Variants in SYPL2 observed in about 807,000 individuals in gnomAD.
SYPL2 encodes the protein synaptophysin like 2.
In SYPL2, 24 loss-of-function variants were observed where a neutral mutation model predicts 31.3. The ratio of observed to expected loss-of-function variants is 0.77; its 90% CI spans 0.56 to 1.08. The LOEUF (loss-of-function observed/expected upper bound fraction) is 1.08. SYPL2 is among the 50% of genes least tolerant of loss of function. SYPL2 has a pLI of 0.00. For synonymous variants in SYPL2, 144 were observed against 143.1 expected, an observed-to-expected ratio of 1.01 and a Z score of -0.05; for missense variants, 342 against 360.1, an observed-to-expected ratio of 0.95 and a Z score of 0.41.
At chr1:109,479,045 C>G (rs572818014) in intron 5 of SYPL2, among the ~76,000 whole-genome samples, 1 of 152,242 alleles carries the variant, frequency 6.6e-6, no homozygotes, top group Non-Finnish European at 1.5e-5. Flanking sequence ...CAGGGCCTCA[C>G]GCGTGCTGTG....
intron 2 of SYPL2, among the ~76,000 whole-genome samples, chr1:109,469,083 G>C (rs1279542742): frequency 6.6e-6 from 1 of 152,236 alleles, no homozygotes; most frequent in African/African-American, 2.4e-5. Context: ...CAGGGCGCCA[G>C]TTTCACTTGC....
At position 109,477,909 on chromosome 1, in the gene SYPL2, G is replaced by C. The variant is rs1200509946; in HGVS notation, c.548G>C (p.Arg183Pro). Residue 183 changes from arginine to proline, a missense_variant, in exon 5 of 6, where the codon CGA (arginine) becomes CCA (proline). Coordinates refer to ENST00000369872, the MANE Select transcript of SYPL2 (RefSeq NM_001040709.2). ...CTGACCGATGTCAAGGGGGCCACAC[G>C]ACCATCCAGCTTGACAGCAGCCATG... ...KGLTDVKGAT[R>P]PSSLTAAMSV... The C allele has an allele frequency of 6.2e-7, 1 of 1,614,048 alleles. No homozygotes were observed. The highest frequency in any genetic ancestry group is 8.5e-7 in the Non-Finnish European group (1 of 1,179,992).
intron 4 of SYPL2, 135 bp downstream of exon 4, chr1:109,477,112 C>T (rs974830778): frequency 1.3e-5 from 14 of 1,037,324 alleles, no homozygotes; most frequent in African/African-American, 3.2e-5. Flanking sequence ...ATCAACCTCC[C>T]GTTGCTTGCT....
At position 109,478,069 on chromosome 1, in the gene SYPL2, C is replaced by G; in HGVS notation, c.648+60C>G. The G allele has an allele frequency of 6.3e-7, 1 of 1,587,544 alleles. No homozygotes were observed. Among genetic ancestry groups the G allele is most frequent in the Non-Finnish European group, 8.6e-7 (1 of 1,167,642 alleles). ...GCCCTGCTGCCCAGGCCTGTCCCAG[C>G]TAGCAGGTCCTGAAAGGAAAGAGAG... is the stretch of plus-strand genomic sequence containing the variant. On this transcript the variant is annotated intron_variant, in intron 5 of 5. Transcript: ENST00000369872. This position sits in a 1 kb window ranked among gnomAD's most constrained non-coding sequence, Gnocchi z 4.0.
chr1:109,475,997 T>C (rs986891282), intron 3 of SYPL2, among the ~76,000 whole-genome samples: 1 of 152,204 alleles, frequency 6.6e-6, no homozygotes, highest in Non-Finnish European at 1.5e-5. Context: ...CAGTTTGGGA[T>C]GGAGGCTTAC....
chr1:109,472,167 C>G (rs1365945380), intron 2 of SYPL2, among the ~76,000 whole-genome samples: 1 of 152,078 alleles, frequency 6.6e-6, no homozygotes, highest in South Asian at 2.1e-4. Context: ...CTCTGTCACC[C>G]AGGCTGGTGT....
At chr1:109,467,889 T>G (rs1655705693) in intron 2 of SYPL2, among the ~76,000 whole-genome samples, 1 of 152,206 alleles carries the variant, frequency 6.6e-6, no homozygotes, top group South Asian at 2.1e-4. Context: ...TCTCTGGACT[T>G]CAATTTCCAA....
rs779317647 is a variant in SYPL2, at chr1:109,466,784, C to A, written c.-60C>A. 91 of 1,465,540 alleles carry A rather than the reference C, an allele frequency of 6.2e-5. 1 individual carries two copies. Among genetic ancestry groups the A allele is most frequent in the Middle Eastern group, 4.6e-4 (2 of 4,322 alleles). The allele number at this position is 1,465,540 out of a possible 1,614,324, so 90.8% of individuals were successfully genotyped here. A position where few individuals can be genotyped will look rare whatever the true frequency, so the allele number is the denominator to read the frequency against. On this transcript the variant is annotated 5_prime_UTR_variant, in exon 1 of 6. Coordinates refer to ENST00000369872, the MANE Select transcript of SYPL2 (RefSeq NM_001040709.2). The stretch of plus-strand genomic sequence containing the variant: ...CAGCTCCCCGCTCCCCCGCCGTGTC[C>A]GCCGCCTCCCGGCCAGAGAGCCAAG...
chr1:109,470,298 C>CA (rs2101000121), intron 2 of SYPL2, among the ~76,000 whole-genome samples: 1 of 152,216 alleles, frequency 6.6e-6, no homozygotes, highest in Non-Finnish European at 1.5e-5. Context: ...CTAAACAAAA[C>CA]AAAAAACAAT....
chr1:109,466,856 G>A lies in SYPL2; in HGVS notation c.13G>A (p.Glu5Lys), dbSNP rs1385739387. The change falls in exon 1 of 6, where the codon GAG becomes AAG. Residue 5 changes from glutamate to lysine, a missense_variant. Coordinates refer to ENST00000369872, the MANE Select transcript of SYPL2 (RefSeq NM_001040709.2). Reference sequence around the variant, plus strand: ...TCGCCGCGCCAGCATGTCCTCGACCGAGAGCGCCGGCCGCACGGCGGACAA... The same window carrying A: ...TCGCCGCGCCAGCATGTCCTCGACCAAGAGCGCCGGCCGCACGGCGGACAA... MSST[E>K]SAGRTADKSP... The A allele has an allele frequency of 1.3e-6, 2 of 1,528,412 alleles. No homozygotes were observed. The highest frequency in any genetic ancestry group is 1.7e-6 in the Non-Finnish European group (2 of 1,143,602). 94.7% of individuals were successfully genotyped at this position (1,528,412 alleles called of 1,614,324 possible).
At chr1:109,476,720 G>T in intron 3 of SYPL2, 56 bp from the exon 4 acceptor site, 1 of 1,563,640 alleles carries the variant, frequency 6.4e-7, no homozygotes, top group Non-Finnish European at 8.7e-7. Flanking sequence ...ACTACTTCTG[G>T]GCCAGGGAGA....
intron 2 of SYPL2, among the ~76,000 whole-genome samples, chr1:109,474,000 A>G (rs1483510441): frequency 4.6e-5 from 7 of 152,022 alleles, no homozygotes; most frequent in Admixed American, 4.6e-4. Context: ...AGGTTTCCAT[A>G]CTCCTAGTTC....
At chr1:109,471,579 G>C (rs1357402692) in intron 2 of SYPL2, among the ~76,000 whole-genome samples, 4 of 82,176 alleles carry the variant, frequency 4.9e-5, no homozygotes, top group African/African-American at 1.4e-4. Flanking sequence ...TGACTGAACT[G>C]AATTTTTTTT....
chr1:109,467,211 G>T, intron 2 of SYPL2, 78 bp downstream of exon 2: 2 of 1,349,066 alleles, frequency 1.5e-6, no homozygotes, highest in Non-Finnish European at 2.0e-6. Flanking sequence ...AGCCAGGGTG[G>T]GGGCTGGGGA....
Position 109,480,647 on chromosome 1 carries a change from C to G in SYPL2, c.*1099C>G, listed in dbSNP as rs1458844884. 6.6e-6 allele frequency: 1 copy of G among 152,636 alleles called. No homozygotes were observed. The highest frequency in any genetic ancestry group is 1.9e-4 in the East Asian group (1 of 5,190). 9.5% of individuals were successfully genotyped at this position (152,636 alleles called of 1,614,324 possible). A position where few individuals can be genotyped will look rare whatever the true frequency, so the allele number is the denominator to read the frequency against. Reference sequence around the variant, plus strand: ...ATTCCCTGCTCAGTTTTTTCCCCTGCTCCTTCTCTAGTCCTTCTTTCATAT... The same window carrying G: ...ATTCCCTGCTCAGTTTTTTCCCCTGGTCCTTCTCTAGTCCTTCTTTCATAT... On this transcript the variant is annotated 3_prime_UTR_variant, in exon 6 of 6. Transcript: ENST00000369872.
chr1:109,476,191 T>C (rs1256866170), intron 3 of SYPL2, among the ~76,000 whole-genome samples: 1 of 152,168 alleles, frequency 6.6e-6, no homozygotes, highest in Non-Finnish European at 1.5e-5. Flanking sequence ...TTCTGGGTAT[T>C]TGAGAGCTTA....
chr1:109,479,556 C>T lies in SYPL2; in HGVS notation c.*8C>T. The T allele has an allele frequency of 6.2e-7, 1 of 1,610,884 alleles. No homozygotes were observed. Among genetic ancestry groups the T allele is most frequent in the South Asian group, 1.1e-5 (1 of 90,938 alleles). ...GCAGTGGAGAAGCAGTAAGCAGCCCCCCACCTGGCTATTCCCGAACTGGAC... is the reference window on the plus strand; with the variant it reads ...GCAGTGGAGAAGCAGTAAGCAGCCCTCCACCTGGCTATTCCCGAACTGGAC... On this transcript the variant is annotated 3_prime_UTR_variant, in exon 6 of 6. Transcript: ENST00000369872.
Position 109,477,909 on chromosome 1 carries a change from G to A in SYPL2, c.548G>A (p.Arg183Gln), listed in dbSNP as rs1200509946. The A allele has an allele frequency of 2.5e-6, 4 of 1,614,166 alleles. No individual in the cohort carries two copies. The highest frequency in any genetic ancestry group is 1.1e-5 in the South Asian group (1 of 91,078). The change falls in exon 5 of 6, where the codon CGA becomes CAA. Residue 183 changes from arginine to glutamine, a missense_variant. By Grantham distance (43) the Arg-to-Gln change is conservative (BLOSUM62 1). Transcript: ENST00000369872. ...KGLTDVKGAT[R>Q]PSSLTAAMSV... ...CTGACCGATGTCAAGGGGGCCACACGACCATCCAGCTTGACAGCAGCCATG... is the reference window on the plus strand; with the variant it reads ...CTGACCGATGTCAAGGGGGCCACACAACCATCCAGCTTGACAGCAGCCATG...
At chr1:109,474,824 A>T (rs1287377338) in intron 2 of SYPL2, among the ~76,000 whole-genome samples, 3 of 152,272 alleles carry the variant, frequency 2.0e-5, no homozygotes, top group Non-Finnish European at 4.4e-5. Flanking sequence ...CAGCATCAAC[A>T]GATGACAAAG....
Sources: allele counts gnomAD v4.1 joint callset (sites outside exome capture counted in the v4.1 genomes callset), GRCh38; gene constraint gnomAD v4.1.1; non-coding constraint Gnocchi (gnomAD v3.1); transcripts MANE v1.5; gene names NCBI Gene and HGNC (gene_info 2026-07-23, HGNC 2026-07-21).